The following STAT5A variants were observed in gnomAD, a reference collection of about 807,000 sequenced individuals.
STAT5A encodes the protein epididymis secretory sperm binding protein.
Under a neutral mutation model 100.2 loss-of-function variants are expected in STAT5A, and 26 were observed. The ratio of observed to expected loss-of-function variants is 0.26; its 90% confidence interval spans 0.19 to 0.36. The LOEUF (loss-of-function observed/expected upper bound fraction) is 0.36. Among genes scored for constraint, STAT5A ranks in the 10% least tolerant of loss-of-function variants. The probability of loss-of-function intolerance (pLI) is 1.00; values close to 1 mark genes in which losing one functional copy is unlikely to be tolerated. For missense variants in STAT5A, 634 were observed against 1,027.5 expected (o/e 0.62, Z 5.24); for synonymous variants, 330 against 424.3 (o/e 0.78, Z 2.73).
At chr17:42,294,330 G>A (rs368248814) in intron 4 of STAT5A, among the ~76,000 whole-genome samples, 9 of 152,218 alleles carry the variant, frequency 5.9e-5, no homozygotes, top group Admixed American at 5.2e-4. Flanking sequence ...AATGACTTCA[G>A]CCTCATTGAC....
intron 4 of STAT5A, among the ~76,000 whole-genome samples, chr17:42,294,163 C>G (rs1324833841): frequency 6.6e-6 from 1 of 151,568 alleles, no homozygotes; most frequent in Non-Finnish European, 1.5e-5. Context: ...TTGCAGTGAG[C>G]TGAGATTGCA....
chr17:42,304,709 G>T lies in STAT5A; in HGVS notation c.1380+57G>T, dbSNP rs553890049. On this transcript the variant is annotated intron_variant, in intron 11 of 18. Coordinates refer to ENST00000590949, the MANE Select transcript of STAT5A (RefSeq NM_001288718.2). The surrounding 1 kb of genome is among the most constrained non-coding windows in gnomAD (Gnocchi z 4.8). Reference sequence around the variant, plus strand: ...TCCAGGTCACCCAAGAGGTGGAGGGGCCTGCCTCAGGACTCCTGGCAGCAA... The same window carrying T: ...TCCAGGTCACCCAAGAGGTGGAGGGTCCTGCCTCAGGACTCCTGGCAGCAA... 1 of 1,603,934 alleles carries T rather than the reference G, an allele frequency of 6.2e-7. No individual in the cohort carries two copies. The highest frequency in any genetic ancestry group is 2.2e-5 in the East Asian group (1 of 44,844).
intron 8 of STAT5A, 33 bp from the exon 9 acceptor site, chr17:42,301,242 C>T (rs374555358): frequency 3.7e-6 from 6 of 1,606,070 alleles, no homozygotes; most frequent in Non-Finnish European, 5.1e-6. Flanking sequence ...GCGCCAACCC[C>T]TCATCGTGTG....
In STAT5A at chr17:42,295,585, T is replaced by G. The variant is rs766765689; in HGVS notation, c.376-34T>G. 125 of 1,600,314 alleles carry G rather than the reference T, an allele frequency of 7.8e-5. No individual in the cohort carries two copies. In the African/African-American group the frequency reaches 1.3e-3, roughly 17 times the overall value. On this transcript the variant is annotated intron_variant, in intron 4 of 18. Coordinates refer to ENST00000590949, the MANE Select transcript of STAT5A (RefSeq NM_001288718.2). ...GCCTGTGGTCTTCTCCCATCCTCTC[T>G]TCCCCGAGTTATTTCCATTCCATCT...
intron 2 of STAT5A, 46 bp downstream of exon 2, chr17:42,289,585 C>A: frequency 6.3e-7 from 1 of 1,594,330 alleles, no homozygotes; most frequent in Non-Finnish European, 8.5e-7. Flanking sequence ...CCCTACCATC[C>A]AGGCCCTTTG....
chr17:42,310,400 G>C, intron 18 of STAT5A, 107 bp from the exon 19 acceptor site: 1 of 1,313,808 alleles, frequency 7.6e-7, no homozygotes, highest in South Asian at 1.3e-5. Context: ...AACTGGTCCT[G>C]TTCTCATGAG....
chr17:42,311,193 G>A lies in STAT5A; in HGVS notation c.*524G>A, dbSNP rs2081077560. The A allele has an allele frequency of 1.2e-5, 2 of 162,474 alleles. No homozygotes were observed. Among genetic ancestry groups the A allele is most frequent in the South Asian group, 3.3e-4 (2 of 6,140 alleles). The allele number at this position is 162,474 out of a possible 1,614,324, so 10.1% of individuals were successfully genotyped here. ...ATGTAACCGATTCATCTCTCAGAAGGGAGGCTGGGGTTCATTTTCGAGTAG... is the reference window on the plus strand; with the variant it reads ...ATGTAACCGATTCATCTCTCAGAAGAGAGGCTGGGGTTCATTTTCGAGTAG... On this transcript the variant is annotated 3_prime_UTR_variant, in exon 19 of 19. Coordinates refer to ENST00000590949, the MANE Select transcript of STAT5A (RefSeq NM_001288718.2).
intron 6 of STAT5A, 47 bp from the exon 7 acceptor site, chr17:42,300,083 G>T: frequency 8.2e-7 from 1 of 1,213,508 alleles, no homozygotes; most frequent in Admixed American, 2.4e-5. Context: ...AGGCCCTGCG[G>T]TGTTCTCTGG....
chr17:42,295,074 T>C (rs1024711289), intron 4 of STAT5A, among the ~76,000 whole-genome samples: 2 of 152,136 alleles, frequency 1.3e-5, no homozygotes, highest in Non-Finnish European at 2.9e-5. Context: ...TAACTTCATT[T>C]CGGGGTCTCC....
intron 12 of STAT5A, chr17:42,305,970 C>A: frequency 1.5e-6 from 1 of 647,848 alleles, no homozygotes; most frequent in Non-Finnish European, 2.6e-6. Context: ...TGGCAGATGG[C>A]TTGGGTCCTT....
At chr17:42,306,008 C>A (rs1321823918) in intron 12 of STAT5A, 5 of 697,154 alleles carry the variant, frequency 7.2e-6, no homozygotes, top group Admixed American at 5.7e-5. Flanking sequence ...TCCTGGTCTG[C>A]ATCTCTGTCC....
At chr17:42,298,112 T>G (rs972490974) in intron 5 of STAT5A, among the ~76,000 whole-genome samples, 3 of 151,722 alleles carry the variant, frequency 2.0e-5, no homozygotes, top group African/African-American at 7.3e-5. Flanking sequence ...GGGTTATTGA[T>G]ACACAGGCGC....
In STAT5A at chr17:42,300,676, A is replaced by C. The variant is rs2144532424; in HGVS notation, c.834-39A>C. The C allele has an allele frequency of 1.9e-6, 3 of 1,613,710 alleles. No homozygotes were observed. The South Asian group carries it at 3.3e-5, about 18-fold the overall frequency. On this transcript the variant is annotated intron_variant, in intron 7 of 18. Coordinates refer to ENST00000590949, the MANE Select transcript of STAT5A (RefSeq NM_001288718.2). ...TTGGGGCCTGGCGTCTGTGAGGAGA[A>C]GCCATTGTCCTCCTGTTGGCCTTGG...
Position 42,295,777 on chromosome 17 carries a change from G to A in STAT5A, c.534G>A (p.Glu178=), listed in dbSNP as rs760626715. 4.6e-5 allele frequency: 75 copies of A among 1,613,914 alleles called. No individual in the cohort carries two copies. Among genetic ancestry groups the A allele is most frequent in the Non-Finnish European group, 5.8e-5 (68 of 1,179,998 alleles). The stretch of plus-strand genomic sequence containing the variant: ...AGTACTTCATCATCCAGTACCAGGA[G>A]AGCCTGAGGATCCAAGGTGAGGCGC... The part of the protein sequence containing the change: ...TQEYFIIQYQ[E]SLRIQAQFAQ... Residue 178 remains glutamate (E), a synonymous_variant, in exon 5 of 19, where the codon GAG becomes GAA. Transcript: ENST00000590949.
intron 4 of STAT5A, among the ~76,000 whole-genome samples, chr17:42,293,395 G>A (rs924207441): frequency 1.3e-5 from 2 of 151,912 alleles, no homozygotes; most frequent in East Asian, 1.9e-4. Context: ...AGTAGAGACA[G>A]GGTTTCACCC....
At chr17:42,309,571 T>A in intron 18 of STAT5A, 87 bp downstream of exon 18, 2 of 1,402,098 alleles carry the variant, frequency 1.4e-6, no homozygotes, top group Non-Finnish European at 2.0e-6. Context: ...GGGCAAAGGA[T>A]CCAGAGCTCT....
At position 42,307,704 on chromosome 17, in the gene STAT5A, C is replaced by T. The variant is rs1041963600; in HGVS notation, c.1887C>T (p.Ile629=). Residue 629 remains isoleucine, a synonymous_variant, in exon 15 of 19, where the codon ATC becomes ATT. Transcript: ENST00000590949. Reference sequence around the variant, plus strand: ...ACTCAGAAATCGGGGGCATCACCATCGCCTGGAAGTTTGACTCCCGTGAGT... The same window carrying T: ...ACTCAGAAATCGGGGGCATCACCATTGCCTGGAAGTTTGACTCCCGTGAGT... ...FSDSEIGGIT[I]AWKFDSPERN... The T allele has an allele frequency of 4.3e-6, 7 of 1,613,950 alleles. No individual in the cohort carries two copies. Among genetic ancestry groups the T allele is most frequent in the East Asian group, 2.2e-5 (1 of 44,890 alleles).
In STAT5A at chr17:42,300,760, C is replaced by G; in HGVS notation, c.879C>G (p.Ile293Met). 1 of 1,613,364 alleles carries G rather than the reference C, an allele frequency of 6.2e-7. No homozygotes were observed. The highest frequency in any genetic ancestry group is 1.1e-5 in the South Asian group (1 of 91,050). The change falls in exon 8 of 19, where the codon ATC becomes ATG. Residue 293 changes from isoleucine (I) to methionine (M), a missense_variant. Ile to Met is a conservative substitution (Grantham distance 10). Transcript: ENST00000590949. Reference sequence around the variant, plus strand: ...TCATCTGGCAGAACCGGCAGCAGATCCGCAGGGCTGAGCACCTCTGCCAGC... The same window carrying G: ...TCATCTGGCAGAACCGGCAGCAGATGCGCAGGGCTGAGCACCTCTGCCAGC... ...AEIIWQNRQQ[I>M]RRAEHLCQQL...
At chr17:42,291,916 G>A in intron 3 of STAT5A, 56 bp from the exon 4 acceptor site, 1 of 1,590,998 alleles carries the variant, frequency 6.3e-7, no homozygotes, top group South Asian at 1.1e-5. Context: ...CATAGCATGG[G>A]GCTGGCATGG....
Sources: allele counts gnomAD v4.1 joint callset (sites outside exome capture counted in the v4.1 genomes callset), GRCh38; gene constraint gnomAD v4.1.1; non-coding constraint Gnocchi (gnomAD v3.1); transcripts MANE v1.5; gene names NCBI Gene and HGNC (gene_info 2026-07-23, HGNC 2026-07-21).